PRKN: variants seen among roughly 807,000 people sequenced by gnomAD.
PRKN encodes the protein E3 ubiquitin-protein ligase parkin.
In PRKN, 56 loss-of-function variants were observed where a neutral mutation model predicts 59.5. The observed-to-expected ratio is 0.94, with a 90% confidence interval of 0.76 to 1.18. PRKN has a LOEUF of 1.18. PRKN is among the 50% of genes most tolerant of loss of function. The pLI is 0.00. For missense variants in PRKN, 657 were observed against 596.4 expected (o/e 1.10, Z -1.06); for synonymous variants, 250 against 222.1 (o/e 1.13, Z -1.12).
At chr6:162,418,613 A>AGTGTGTGTGTGTGTGTGTGT (rs140621171) in intron 2 of PRKN, among the ~76,000 whole-genome samples, 5,594 of 126,182 alleles carry the variant, frequency 0.044, 220 homozygotes, top group East Asian at 0.086. Flanking sequence ...AGGGACAGAC[A>AGTGTGTGTGTGTGTGTGTGT]GTGTGTGTGT....
intron 9 of PRKN, among the ~76,000 whole-genome samples, chr6:161,520,674 T>C (rs191281964): frequency 2.0e-4 from 30 of 152,310 alleles, no homozygotes; most frequent in African/African-American, 7.0e-4. Context: ...CTTATTTAAT[T>C]GGTGACTTGA....
At chr6:162,591,145 G>A (rs920483881) in intron 1 of PRKN, among the ~76,000 whole-genome samples, 28 of 152,050 alleles carry the variant, frequency 1.8e-4, no homozygotes, top group African/African-American at 6.8e-4. Context: ...CATTACAAAT[G>A]GCTCCAAATT....
intron 1 of PRKN, among the ~76,000 whole-genome samples, chr6:162,618,523 T>A (rs753238744): frequency 6.6e-6 from 1 of 152,088 alleles, no homozygotes; most frequent in Non-Finnish European, 1.5e-5. Context: ...AACAAATCTA[T>A]CCCGTGTTCA....
chr6:162,455,164 A>C (rs1260864601), intron 1 of PRKN, among the ~76,000 whole-genome samples: 1 of 152,106 alleles, frequency 6.6e-6, no homozygotes. Context: ...AATACTGAAG[A>C]TGACGGTATC....
At chr6:162,606,002 A>G (rs767314300) in intron 1 of PRKN, among the ~76,000 whole-genome samples, 2 of 152,224 alleles carry the variant, frequency 1.3e-5, no homozygotes, top group Non-Finnish European at 1.5e-5. Context: ...TTCAAAGTTT[A>G]TTGTTAATCT....
At chr6:162,006,187 T>G (rs1040688950) in intron 5 of PRKN, among the ~76,000 whole-genome samples, 8 of 152,192 alleles carry the variant, frequency 5.3e-5, no homozygotes, top group African/African-American at 1.9e-4. Context: ...GCACTGTTCC[T>G]AGCACCCAGC....
At chr6:162,425,563 T>C (rs1274602929) in intron 2 of PRKN, among the ~76,000 whole-genome samples, 4 of 152,064 alleles carry the variant, frequency 2.6e-5, no homozygotes, top group Admixed American at 6.6e-5. Context: ...AAGAATCACA[T>C]AGAAAACCCA....
intron 6 of PRKN, among the ~76,000 whole-genome samples, chr6:161,895,686 C>CGTTATG (rs1777598627): frequency 9.0e-6 from 1 of 110,982 alleles, no homozygotes; most frequent in African/African-American, 4.3e-5. Flanking sequence ...GCTGTTATGC[C>CGTTATG]CCCCAGTGAG....
At chr6:161,778,585 C>A (rs1424733040) in intron 7 of PRKN, among the ~76,000 whole-genome samples, 1 of 152,130 alleles carries the variant, frequency 6.6e-6, no homozygotes, top group Non-Finnish European at 1.5e-5. Flanking sequence ...GGTTAATGGA[C>A]CACTCTTCAG....
At chr6:161,637,695 C>A (rs12191610) in intron 7 of PRKN, among the ~76,000 whole-genome samples, 50,710 of 145,850 alleles carry the variant, frequency 0.35, 8,830 homozygotes, top group Middle Eastern at 0.51. Flanking sequence ...AAAATAGACT[C>A]ATTTGCCTTT....
chr6:162,339,893 T>C (rs1405145876), intron 2 of PRKN, among the ~76,000 whole-genome samples: 1 of 149,100 alleles, frequency 6.7e-6, no homozygotes, highest in Non-Finnish European at 1.5e-5. Context: ...TTGAATGGAT[T>C]AAGGGCGGTG....
At position 161,569,335 on chromosome 6, in the gene PRKN, C is replaced by G. The variant is rs760813606; in HGVS notation, c.933+20G>C. ...TATCTTTCATGACAGTCTGATGCAG[C>G]CTTTGAGATGCTCACTCACCTGCTC... On this transcript the variant is annotated intron_variant, in intron 8 of 11. Transcript: ENST00000366898. The G allele has an allele frequency of 6.2e-7, 1 of 1,607,992 alleles. No individual in the cohort carries two copies. The highest frequency in any genetic ancestry group is 1.1e-5 in the South Asian group (1 of 90,954).
At chr6:162,318,556 C>T (rs1025865685) in intron 2 of PRKN, among the ~76,000 whole-genome samples, 2 of 152,054 alleles carry the variant, frequency 1.3e-5, no homozygotes, top group African/African-American at 4.8e-5. Context: ...ACAGCGGTTG[C>T]ACCAGCAAAG....
At chr6:161,773,069 T>G (rs1190150546) in intron 7 of PRKN, among the ~76,000 whole-genome samples, 1 of 152,120 alleles carries the variant, frequency 6.6e-6, no homozygotes, top group Non-Finnish European at 1.5e-5. Context: ...CAGATAGTAG[T>G]TATATCTAGA....
At chr6:161,516,426 C>G (rs1228130395) in intron 9 of PRKN, among the ~76,000 whole-genome samples, 1 of 137,368 alleles carries the variant, frequency 7.3e-6, no homozygotes, top group Non-Finnish European at 1.5e-5. Context: ...AAGATTGCAC[C>G]ACTGTGCACT....
chr6:161,936,360 C>T (rs1178497269), intron 6 of PRKN, among the ~76,000 whole-genome samples: 1 of 151,952 alleles, frequency 6.6e-6, no homozygotes, highest in Non-Finnish European at 1.5e-5. Flanking sequence ...CAGGCGCATG[C>T]CACAACACCT....
intron 7 of PRKN, among the ~76,000 whole-genome samples, chr6:161,641,103 G>A (rs980034480): frequency 6.6e-6 from 1 of 152,166 alleles, no homozygotes. Context: ...AACTGACTTT[G>A]GGAGAAACTT....
At position 162,169,555 on chromosome 6, in the gene PRKN, C is replaced by T. The variant is rs189215014; in HGVS notation, c.534+31576G>A. Among the ~76,000 whole-genome samples the T allele has an allele frequency of 4.6e-5, 7 of 152,280 alleles. No individual in the cohort carries two copies. The East Asian group carries it at 1.3e-3, about 29-fold the overall frequency. ...AATGTGCAAATATTCTATTTCACTA[C>T]CTCATAGACAAGTTTTAGCTGATTA... On this transcript the variant is annotated intron_variant, in intron 4 of 11. Transcript: ENST00000366898.
intron 1 of PRKN, among the ~76,000 whole-genome samples, chr6:162,531,670 T>C (rs1363312116): frequency 6.6e-6 from 1 of 152,038 alleles, no homozygotes; most frequent in African/African-American, 2.4e-5. Context: ...TAGAGGCAGT[T>C]TAGGGAGGGT....
Sources: allele counts gnomAD v4.1 joint callset (sites outside exome capture counted in the v4.1 genomes callset), GRCh38; gene constraint gnomAD v4.1.1; transcripts MANE v1.5; gene names NCBI Gene and HGNC (gene_info 2026-07-23, HGNC 2026-07-21).